PAM: variants seen among roughly 807,000 people sequenced by gnomAD.
PAM encodes peptidylglycine alpha-amidating monooxygenase, also known as peptidyl-glycine alpha-amidating monooxygenase.
In PAM, 72 loss-of-function variants were observed where a neutral mutation model predicts 122.1. That is an observed-to-expected ratio of 0.59 (90% CI 0.49 to 0.72). The LOEUF is 0.72. PAM is among the 30% of genes least tolerant of loss of function. The pLI is 0.00. For synonymous variants in PAM, 389 were observed against 404.4 expected (o/e 0.96, Z 0.46); for missense variants, 1,106 against 1,183.7 (o/e 0.93, Z 0.96).
intron 7 of PAM, among the ~76,000 whole-genome samples, chr5:102,941,900 A>T (rs73175479): frequency 6.6e-6 from 1 of 151,290 alleles, no homozygotes; most frequent in African/African-American, 2.4e-5. Context: ...GTTTCATTCA[A>T]CGTCTCTAAT....
At chr5:102,821,521 C>T (rs1334326906) in intron 1 of PAM, among the ~76,000 whole-genome samples, 1 of 152,134 alleles carries the variant, frequency 6.6e-6, no homozygotes, top group African/African-American at 2.4e-5. Context: ...TGTACAAATA[C>T]CCCTTATTAT....
intron 1 of PAM, among the ~76,000 whole-genome samples, chr5:102,840,497 T>C (rs1246925486): frequency 6.6e-6 from 1 of 152,200 alleles, no homozygotes; most frequent in Admixed American, 6.5e-5. Context: ...CTTTTACTGG[T>C]ATATAGATTA....
At chr5:102,908,683 A>G (rs1800427493) in intron 4 of PAM, among the ~76,000 whole-genome samples, 2 of 151,700 alleles carry the variant, frequency 1.3e-5, no homozygotes, top group African/African-American at 4.8e-5. Context: ...TAACCTGCAC[A>G]ATCTGCATAT....
intron 7 of PAM, among the ~76,000 whole-genome samples, chr5:102,941,017 TAGAA>T (rs1755020445): frequency 6.6e-6 from 1 of 152,200 alleles, no homozygotes; most frequent in South Asian, 2.1e-4. Flanking sequence ...TTTACTTTCT[TAGAA>T]GGATGCCTCT....
intron 1 of PAM, among the ~76,000 whole-genome samples, chr5:102,832,189 C>T (rs758641056): frequency 1.3e-4 from 20 of 152,048 alleles, no homozygotes; most frequent in South Asian, 4.1e-4. Flanking sequence ...TATTTGGGGA[C>T]GCACAGTGAT....
intron 1 of PAM, among the ~76,000 whole-genome samples, chr5:102,768,967 C>A (rs1754969183): frequency 6.6e-6 from 1 of 152,184 alleles, no homozygotes; most frequent in Non-Finnish European, 1.5e-5. Context: ...TTCCCACCAA[C>A]AGTGTTCAAA....
At chr5:102,803,816 G>A (rs1401336796) in intron 1 of PAM, among the ~76,000 whole-genome samples, 1 of 152,168 alleles carries the variant, frequency 6.6e-6, no homozygotes, top group Non-Finnish European at 1.5e-5. Context: ...TATAGAATAA[G>A]AGGTGAATAT....
intron 1 of PAM, among the ~76,000 whole-genome samples, chr5:102,781,130 C>T (rs1433905684): frequency 6.6e-6 from 1 of 152,076 alleles, no homozygotes; most frequent in East Asian, 1.9e-4. Context: ...AATATGCAAA[C>T]ATTGCATACA....
intron 1 of PAM, among the ~76,000 whole-genome samples, chr5:102,835,047 A>G (rs1776591969): frequency 6.6e-6 from 1 of 152,072 alleles, no homozygotes; most frequent in Non-Finnish European, 1.5e-5. Flanking sequence ...CAAATCTTAC[A>G]TGGAAGGGAA....
Position 102,974,402 on chromosome 5 carries a change from T to A in PAM, c.1449T>A (p.Pro483=). 3.1e-6 allele frequency: 5 copies of A among 1,613,602 alleles called. No homozygotes were observed. Among genetic ancestry groups the A allele is most frequent in the Non-Finnish European group, 8.5e-7 (1 of 1,179,668 alleles). ...TTTTCTCATTACAGCAGCCCCCACCTGGTGAAGGCACCTGGGAACCAGAAC... is the reference window on the plus strand; with the variant it reads ...TTTTCTCATTACAGCAGCCCCCACCAGGTGAAGGCACCTGGGAACCAGAAC... The part of the protein sequence containing the change: ...SRVFSLQQPP[P]GEGTWEPEHT... Residue 483 remains proline, a synonymous_variant, in exon 15 of 26, where the codon CCT becomes CCA. Coordinates refer to ENST00000438793, the MANE Select transcript of PAM (RefSeq NM_001177306.2).
At chr5:102,948,699 A>G (rs1481635212) in intron 9 of PAM, among the ~76,000 whole-genome samples, 3 of 152,164 alleles carry the variant, frequency 2.0e-5, no homozygotes, top group East Asian at 1.9e-4. Context: ...TATAAATTAA[A>G]GAATAAATCT....
In PAM at chr5:102,809,446, T is replaced by C. The variant is rs114889895; in HGVS notation, c.-374+54098T>C. ...CAGCAGTTTCTAATTAATTAATAGA[T>C]AGCTTTGCAGAGAAAAAGAACAAGA... On this transcript the variant is annotated intron_variant, in intron 1 of 25. Coordinates refer to ENST00000438793, the MANE Select transcript of PAM (RefSeq NM_001177306.2). Among the ~76,000 whole-genome samples the C allele has an allele frequency of 2.2e-3, 328 of 151,624 alleles. 1 individual carries two copies. Among genetic ancestry groups the C allele is most frequent in the African/African-American group, 7.5e-3 (311 of 41,332 alleles).
chr5:102,816,482 C>A (rs1194467627), intron 1 of PAM, among the ~76,000 whole-genome samples: 1 of 152,114 alleles, frequency 6.6e-6, no homozygotes, highest in Non-Finnish European at 1.5e-5. Flanking sequence ...TTCTTTTTCT[C>A]TTGGTAACTC....
rs34434423 is a variant in PAM at position 102,881,129 on chromosome 5, T to TACACACACACACAC, written c.210+13750_210+13763dup. Among the ~76,000 whole-genome samples, 1,256 of 145,774 alleles carry TACACACACACACAC rather than the reference T, an allele frequency of 8.6e-3. 12 individuals are homozygous for TACACACACACACAC. Among genetic ancestry groups the TACACACACACACAC allele is most frequent in the African/African-American group, 0.027 (1,046 of 38,424 alleles). On this transcript the variant is annotated intron_variant, in intron 3 of 25. Transcript: ENST00000438793. ...AAAATTAAAAAATAATTTTTATACA[T>TACACACACACACAC]ACACACACACACACACACACACACA... is the stretch of plus-strand genomic sequence containing the variant.
At chr5:102,839,499 T>C (rs1465034084) in intron 1 of PAM, among the ~76,000 whole-genome samples, 1 of 147,388 alleles carries the variant, frequency 6.8e-6, no homozygotes, top group Non-Finnish European at 1.5e-5. Context: ...ATCTCTTCAC[T>C]GTACTCCAGC....
At chr5:102,814,190 G>T (rs27585) in intron 1 of PAM, among the ~76,000 whole-genome samples, 104,237 of 151,998 alleles carry the variant, frequency 0.69, 36,016 homozygotes, top group South Asian at 0.8. Context: ...GCTCACTAAC[G>T]CAAAGATTTT....
chr5:103,026,824 G>T (rs1009553887), intron 24 of PAM, among the ~76,000 whole-genome samples: 1 of 152,328 alleles, frequency 6.6e-6, no homozygotes, highest in Admixed American at 6.5e-5. Context: ...AGAGTAGTAG[G>T]AACAGTGGGG....
intron 16 of PAM, among the ~76,000 whole-genome samples, chr5:102,991,433 C>A (rs1305825353): frequency 6.6e-6 from 1 of 152,086 alleles, no homozygotes; most frequent in Non-Finnish European, 1.5e-5. Flanking sequence ...TCAATTACAT[C>A]TAATATATCT....
chr5:102,834,696 G>C (rs899946960), intron 1 of PAM, among the ~76,000 whole-genome samples: 1 of 152,192 alleles, frequency 6.6e-6, no homozygotes, highest in Non-Finnish European at 1.5e-5. Context: ...CAAGTGCAAA[G>C]ATGCTGAAGT....
Sources: allele counts gnomAD v4.1 joint callset (sites outside exome capture counted in the v4.1 genomes callset), GRCh38; gene constraint gnomAD v4.1.1; transcripts MANE v1.5; gene names NCBI Gene and HGNC (gene_info 2026-07-23, HGNC 2026-07-21).